The following KDM2A variants were observed in gnomAD, a reference collection of about 807,000 sequenced individuals.
KDM2A encodes the protein lysine demethylase 2A.
A neutral mutation model predicts 137.3 loss-of-function variants in KDM2A; 3 were observed. That is an observed-to-expected ratio of 0.02 (90% CI 0.01 to 0.06). The LOEUF (loss-of-function observed/expected upper bound fraction) is 0.06, where lower values mean the gene tolerates loss of function less well. Ranked by LOEUF, KDM2A falls within the 10% of genes least tolerant of loss-of-function variation. The probability of loss-of-function intolerance (pLI) is 1.00; values close to 1 mark genes in which losing one functional copy is unlikely to be tolerated. For synonymous variants in KDM2A, 512 were observed against 541.5 expected, an observed-to-expected ratio of 0.95 and a Z score of 0.76; for missense variants, 738 against 1,510.6, an observed-to-expected ratio of 0.49 and a Z score of 8.48.
At chr11:67,181,015 A>G (rs1388958382) in intron 3 of KDM2A, among the ~76,000 whole-genome samples, 3 of 145,898 alleles carry the variant, frequency 2.1e-5, no homozygotes, top group Admixed American at 1.4e-4. Context: ...ATTTCTGTTT[A>G]GCATTTATAA....
Position 67,250,655 on chromosome 11 carries a change from A to G in KDM2A, c.2625A>G (p.Ala875=), listed in dbSNP as rs765343063. 5.0e-6 allele frequency: 8 copies of G among 1,608,342 alleles called. No homozygotes were observed. The highest frequency in any genetic ancestry group is 1.7e-4 in the Middle Eastern group (1 of 5,978). ...ATGACAGTGCAGAGGAGGGGGGTGC[A>G]GCCAGGCTGAATGGCCGGGGCAGTT... is the stretch of plus-strand genomic sequence containing the variant. ...EEDDSAEEGG[A]ARLNGRGSWA... is the part of the protein sequence containing the mutation. Residue 875 remains alanine (A), a synonymous_variant, in exon 17 of 21, where the codon GCA becomes GCG. Coordinates refer to ENST00000529006, the MANE Select transcript of KDM2A (RefSeq NM_012308.3). This position sits in a 1 kb window ranked among gnomAD's most constrained non-coding sequence, Gnocchi z 7.1.
At chr11:67,150,736 G>A (rs1856365338) in intron 2 of KDM2A, among the ~76,000 whole-genome samples, 1 of 152,040 alleles carries the variant, frequency 6.6e-6, no homozygotes, top group Admixed American at 6.6e-5. Flanking sequence ...CAGCAGACAA[G>A]GTGAAAGATC....
chr11:67,145,887 T>C (rs1424192452), intron 2 of KDM2A, among the ~76,000 whole-genome samples: 1 of 152,032 alleles, frequency 6.6e-6, no homozygotes, highest in Non-Finnish European at 1.5e-5. Context: ...GGAATTTTTT[T>C]TTTTTTAATT....
At chr11:67,203,528 AAAT>A (rs1432939484) in intron 5 of KDM2A, among the ~76,000 whole-genome samples, 1 of 147,962 alleles carries the variant, frequency 6.8e-6, no homozygotes, top group East Asian at 1.9e-4. Flanking sequence ...AATATATAAT[AAAT>A]AAGTAGTCTA....
At chr11:67,193,012 C>T (rs570729069) in intron 5 of KDM2A, among the ~76,000 whole-genome samples, 1 of 152,112 alleles carries the variant, frequency 6.6e-6, no homozygotes, top group South Asian at 2.1e-4. Flanking sequence ...TAGGGGGTAT[C>T]AGAGTCTCAC....
rs761165109 is a variant in KDM2A, at chr11:67,250,972, G to A, written c.2768+174G>A. 2.6e-5 allele frequency among the ~76,000 whole-genome samples: 4 copies of A among 152,148 alleles called. No individual in the cohort carries two copies. Among genetic ancestry groups the A allele is most frequent in the Non-Finnish European group, 5.9e-5 (4 of 68,032 alleles). ...TTTAAAGATGTAGCCTGTTGTACCC[G>A]CAGATGTCATTAGGGAACTGGCCAT... is the stretch of plus-strand genomic sequence containing the variant. On this transcript the variant is annotated intron_variant, in intron 17 of 20. Transcript: ENST00000529006. The surrounding 1 kb of genome is among the most constrained non-coding windows in gnomAD (Gnocchi z 7.1).
intron 11 of KDM2A, among the ~76,000 whole-genome samples, chr11:67,229,372 A>G (rs925564446): frequency 1.6e-4 from 25 of 152,180 alleles, no homozygotes; most frequent in African/African-American, 6.0e-4. Context: ...CCCAACATCT[A>G]TCAGAGAAAT....
chr11:67,145,723 C>A (rs952454760), intron 2 of KDM2A, among the ~76,000 whole-genome samples: 1 of 151,882 alleles, frequency 6.6e-6, no homozygotes, highest in Non-Finnish European at 1.5e-5. Context: ...AAAATGATAC[C>A]ATACTCGGCT....
At chr11:67,187,432 A>G (rs1857234881) in intron 5 of KDM2A, among the ~76,000 whole-genome samples, 2 of 152,184 alleles carry the variant, frequency 1.3e-5, no homozygotes, top group South Asian at 4.1e-4. Flanking sequence ...AAAAGACAGA[A>G]ATAGATTGAA....
At position 67,201,202 on chromosome 11, in the gene KDM2A, A is replaced by G. The variant is rs543892279; in HGVS notation, c.308-6308A>G. The stretch of plus-strand genomic sequence containing the variant: ...GAGCAAGACTCTGTCTCAAAAAAAA[A>G]AATATATATATATATATGTGTGTGT... On this transcript the variant is annotated intron_variant, in intron 5 of 20. Transcript: ENST00000529006. Among the ~76,000 whole-genome samples, 273 of 66,458 alleles carry G rather than the reference A, an allele frequency of 4.1e-3. 2 individuals are homozygous for G. Among genetic ancestry groups the G allele is most frequent in the Non-Finnish European group, 5.8e-3 (198 of 34,370 alleles). 43.6% of individuals were successfully genotyped at this position (66,458 alleles called of 152,430 possible).
At chr11:67,143,265 C>G (rs1278016243) in intron 2 of KDM2A, 1 of 151,924 alleles carries the variant, frequency 6.6e-6, no homozygotes, top group Admixed American at 6.6e-5. Context: ...CCTCCGCCTC[C>G]CAAGGTGTTG....
Position 67,253,590 on chromosome 11 carries a change from A to T in KDM2A, c.3070A>T (p.Thr1024Ser). The change falls in exon 19 of 21, where the codon ACT (threonine) becomes TCT (serine). Residue 1024 changes from threonine to serine, a missense_variant. Thr to Ser is a moderately conservative substitution (Grantham distance 58). This residue lies in a region of KDM2A where 166 missense variants were observed against 324.0 expected (regional missense o/e 0.51). Transcript: ENST00000529006. ...GGACCCTCAAATTCGGGACTTGCTT[A>T]CTCCACCGGCTGATAAACCAGGTAT... Reference protein sequence around the residue: ...IKDPQIRDLLTPPADKPGQDN... With the variant: ...IKDPQIRDLLSPPADKPGQDN... 1 of 1,613,338 alleles carries T rather than the reference A, an allele frequency of 6.2e-7. No homozygotes were observed. Among genetic ancestry groups the T allele is most frequent in the Non-Finnish European group, 8.5e-7 (1 of 1,179,724 alleles).
intron 2 of KDM2A, among the ~76,000 whole-genome samples, chr11:67,154,605 C>CT (rs879414778): frequency 6.3e-4 from 90 of 143,868 alleles, no homozygotes; most frequent in East Asian, 1.4e-3. Flanking sequence ...CTAATTTTTT[C>CT]TTTTTTTTTT....
At chr11:67,123,524 A>T (rs192891157) in intron 2 of KDM2A, among the ~76,000 whole-genome samples, 22 of 152,024 alleles carry the variant, frequency 1.4e-4, no homozygotes, top group African/African-American at 5.1e-4. Context: ...TTTCTTTGGG[A>T]ACAGAAAAAG....
chr11:67,203,610 C>G (rs1487779634), intron 5 of KDM2A, among the ~76,000 whole-genome samples: 1 of 150,718 alleles, frequency 6.6e-6, no homozygotes, highest in Non-Finnish European at 1.5e-5. Flanking sequence ...AAAAAATTAA[C>G]TGGGTATGGT....
At chr11:67,129,307 G>C (rs1179081334) in intron 2 of KDM2A, among the ~76,000 whole-genome samples, 1 of 152,226 alleles carries the variant, frequency 6.6e-6, no homozygotes, top group African/African-American at 2.4e-5. Flanking sequence ...AGTTTAGTCT[G>C]TCTAGGTACA....
At chr11:67,121,632 T>C (rs1232210029) in intron 2 of KDM2A, among the ~76,000 whole-genome samples, 2 of 152,220 alleles carry the variant, frequency 1.3e-5, no homozygotes. Flanking sequence ...TGGATTACAA[T>C]GTGACAAAGA....
chr11:67,255,512 C>T lies in KDM2A; in HGVS notation c.*457C>T, dbSNP rs71457766. Reference sequence around the variant, plus strand: ...GTGGTGTCCAGTGCGCGTCTCTCCTCCATCACACTCTCCCGGCTTGCGCAG... The same window carrying T: ...GTGGTGTCCAGTGCGCGTCTCTCCTTCATCACACTCTCCCGGCTTGCGCAG... On this transcript the variant is annotated 3_prime_UTR_variant, in exon 21 of 21. Coordinates refer to ENST00000529006, the MANE Select transcript of KDM2A (RefSeq NM_012308.3). The T allele has an allele frequency of 1.5e-5, 7 of 457,184 alleles. No individual in the cohort carries two copies. Among genetic ancestry groups the T allele is most frequent in the Non-Finnish European group, 3.1e-5 (7 of 227,394 alleles). The allele number at this position is 457,184 out of a possible 1,614,324, so 28.3% of individuals were successfully genotyped here. A position where few individuals can be genotyped will look rare whatever the true frequency, so the allele number is the denominator to read the frequency against.
chr11:67,255,668 C>T lies in KDM2A; in HGVS notation c.*613C>T. The stretch of plus-strand genomic sequence containing the variant: ...CCCTTGAGCTTGGTTCTGCCCAGCA[C>T]TCGTGCTTGTTCACATAATTAGGTT... On this transcript the variant is annotated 3_prime_UTR_variant, in exon 21 of 21. Transcript: ENST00000529006. 2.3e-6 allele frequency: 1 copy of T among 432,152 alleles called. No homozygotes were observed. The highest frequency in any genetic ancestry group is 1.6e-5 in the South Asian group (1 of 61,534). 26.8% of individuals were successfully genotyped at this position (432,152 alleles called of 1,614,324 possible). A position where few individuals can be genotyped will look rare whatever the true frequency, so the allele number is the denominator to read the frequency against.
Sources: allele counts gnomAD v4.1 joint callset (sites outside exome capture counted in the v4.1 genomes callset), GRCh38; gene constraint gnomAD v4.1.1; regional missense constraint gnomAD v4.1.1; non-coding constraint Gnocchi (gnomAD v3.1); transcripts MANE v1.5; gene names NCBI Gene and HGNC (gene_info 2026-07-23, HGNC 2026-07-21).